DPYD: variants seen among roughly 807,000 people sequenced by gnomAD.
DPYD encodes dihydropyrimidine dehydrogenase.
A neutral mutation model predicts 116.2 loss-of-function variants in DPYD; 109 were observed. The observed-to-expected ratio is 0.94, with a 90% CI of 0.80 to 1.10. The LOEUF (loss-of-function observed/expected upper bound fraction) is 1.10. Among genes scored for constraint, DPYD ranks in the 50% least tolerant of loss-of-function variants. DPYD has a pLI of 0.00. For synonymous variants in DPYD, 440 were observed against 432.0 expected, an observed-to-expected ratio of 1.02 and a Z score of -0.23; for missense variants, 1,302 against 1,254.5, an observed-to-expected ratio of 1.04 and a Z score of -0.57.
intron 12 of DPYD, among the ~76,000 whole-genome samples, 197 bp downstream of exon 12, chr1:97,549,363 T>C (rs529056181): frequency 6.6e-6 from 1 of 152,180 alleles, no homozygotes; most frequent in South Asian, 2.1e-4. Flanking sequence ...CATGCCCGCC[T>C]GGCCCAATTT....
At position 97,778,170 on chromosome 1, in the gene DPYD, A is replaced by AAAAAG. The variant is rs1215956193; in HGVS notation, c.234-37692_234-37691insCTTTT. On this transcript the variant is annotated intron_variant, in intron 3 of 22. Coordinates refer to ENST00000370192, the MANE Select transcript of DPYD (RefSeq NM_000110.4). ...AAGACCCTGTCAAAAAAAAAAAAAA[A>AAAAAG]AAAGAAAGAAAGAAAGAAAGAGAGA... Among the ~76,000 whole-genome samples, 521 of 88,536 alleles carry AAAAAG rather than the reference A, an allele frequency of 5.9e-3. 15 individuals carry two copies. The highest frequency in any genetic ancestry group is 8.3e-3 in the Non-Finnish European group (394 of 47,228). 58.1% of individuals were successfully genotyped at this position (88,536 alleles called of 152,430 possible).
chr1:97,895,511 T>C (rs994871820), intron 1 of DPYD, among the ~76,000 whole-genome samples: 12 of 151,810 alleles, frequency 7.9e-5, no homozygotes, highest in African/African-American at 2.7e-4. Flanking sequence ...TTCATCTATA[T>C]GGTTAACAGC....
chr1:97,662,640 A>AAACAAAAACAAAAAAGAGTGCT (rs1659332740), intron 8 of DPYD, among the ~76,000 whole-genome samples: 3 of 152,078 alleles, frequency 2.0e-5, no homozygotes, highest in Non-Finnish European at 2.9e-5. Context: ...CTCAAAACAA[A>AAACAAAAACAAAAAAGAGTGCT]AACAAAAACA....
intron 18 of DPYD, among the ~76,000 whole-genome samples, chr1:97,268,126 C>A (rs2100879089): frequency 6.6e-6 from 1 of 152,282 alleles, no homozygotes; most frequent in Non-Finnish European, 1.5e-5. Context: ...AATTTTAAAG[C>A]TAGAGAATAA....
At chr1:97,646,484 T>C (rs1375799379) in intron 8 of DPYD, among the ~76,000 whole-genome samples, 1 of 152,094 alleles carries the variant, frequency 6.6e-6, no homozygotes, top group African/African-American at 2.4e-5. Context: ...ATTTCCTATT[T>C]TTTCTTATTT....
chr1:97,482,709 T>A (rs1263579401), intron 13 of DPYD, among the ~76,000 whole-genome samples: 1 of 152,188 alleles, frequency 6.6e-6, no homozygotes, highest in Non-Finnish European at 1.5e-5. Flanking sequence ...GTGTTGATTG[T>A]GGATACTGAG....
At chr1:97,808,101 C>G (rs922994955) in intron 3 of DPYD, among the ~76,000 whole-genome samples, 14 of 151,976 alleles carry the variant, frequency 9.2e-5, no homozygotes, top group African/African-American at 3.4e-4. Flanking sequence ...TCTGAGTCTT[C>G]TGCTTTTCTA....
intron 4 of DPYD, among the ~76,000 whole-genome samples, chr1:97,736,093 A>G (rs1263122704): frequency 6.6e-6 from 1 of 152,128 alleles, no homozygotes; most frequent in Non-Finnish European, 1.5e-5. Flanking sequence ...AAGAAAAATA[A>G]GTAGGACAAA....
chr1:97,838,460 A>C (rs912020057), intron 2 of DPYD, among the ~76,000 whole-genome samples: 13 of 152,256 alleles, frequency 8.5e-5, no homozygotes, highest in Non-Finnish European at 1.6e-4. Context: ...CATCAACTGT[A>C]ATCAACAGAG....
intron 14 of DPYD, among the ~76,000 whole-genome samples, chr1:97,415,770 T>C (rs1012015553): frequency 3.3e-5 from 5 of 152,218 alleles, no homozygotes; most frequent in African/African-American, 4.8e-5. Context: ...GTGATAAAGA[T>C]TGTGGTACAC....
chr1:97,789,086 GT>G (rs1197473841), intron 3 of DPYD, among the ~76,000 whole-genome samples: 1 of 152,100 alleles, frequency 6.6e-6, no homozygotes, highest in African/African-American at 2.4e-5. Flanking sequence ...GGAACAAGCT[GT>G]TTAATGCAAA....
At chr1:97,333,553 C>T (rs1669136286) in intron 16 of DPYD, among the ~76,000 whole-genome samples, 1 of 127,542 alleles carries the variant, frequency 7.8e-6, no homozygotes, top group South Asian at 2.6e-4. Context: ...TGGAGTCTCA[C>T]ACTGTCGTAC....
intron 13 of DPYD, among the ~76,000 whole-genome samples, chr1:97,455,786 C>A (rs6593648): frequency 0.81 from 123,351 of 151,732 alleles, 50,606 homozygotes; most frequent in Middle Eastern, 0.88. Flanking sequence ...GGTCAGAATA[C>A]TCTCTACTTG....
chr1:97,086,444 G>T (rs895480724), intron 21 of DPYD, among the ~76,000 whole-genome samples: 1 of 151,326 alleles, frequency 6.6e-6, no homozygotes, highest in Non-Finnish European at 1.5e-5. Context: ...CCCTGATTCC[G>T]TCCCTGATGT....
intron 11 of DPYD, among the ~76,000 whole-genome samples, chr1:97,563,766 G>C (rs1039459230): frequency 1.8e-4 from 28 of 152,230 alleles, no homozygotes; most frequent in African/African-American, 6.7e-4. Context: ...ATGTGGTGTT[G>C]ATTCCCAATC....
intron 19 of DPYD, among the ~76,000 whole-genome samples, chr1:97,212,078 T>C (rs1197595388): frequency 2.0e-5 from 3 of 152,006 alleles, no homozygotes. Flanking sequence ...TGGTATAATT[T>C]ACATAGCATA....
At position 97,573,850 on chromosome 1, in the gene DPYD, CA is replaced by C. The variant is rs1240838072; in HGVS notation, c.1248del (p.Gly417GlufsTer13). The C allele has an allele frequency of 6.2e-7, 1 of 1,613,728 alleles. No individual in the cohort carries two copies. ...MQFVRTEQDE[T>X]GKWNEDEDQM... ...TGATCTTCATCTTCATTCCATTTTC[CA>C]GTTTCATCTTGCTCTGTCCGAACAA... is the stretch of plus-strand genomic sequence containing the variant. On this transcript the variant is annotated frameshift_variant, in exon 11 of 23. Coordinates refer to ENST00000370192, the MANE Select transcript of DPYD (RefSeq NM_000110.4). LOFTEE classifies it high-confidence loss of function.
chr1:97,611,078 A>C (rs1465268817), intron 8 of DPYD, among the ~76,000 whole-genome samples: 1 of 152,030 alleles, frequency 6.6e-6, no homozygotes, highest in Non-Finnish European at 1.5e-5. Context: ...AAAGACATAC[A>C]GGAGACAGGG....
At chr1:97,900,833 C>T (rs1673331913) in intron 1 of DPYD, among the ~76,000 whole-genome samples, 1 of 151,750 alleles carries the variant, frequency 6.6e-6, no homozygotes, top group South Asian at 2.1e-4. Context: ...TCCCTCCTAT[C>T]AAGCCGCAGT....
Sources: gnomAD v4.1 joint callset for allele counts (sites outside exome capture counted in the v4.1 genomes callset) on GRCh38, gnomAD v4.1.1 for gene constraint, MANE v1.5 for transcripts, NCBI Gene and HGNC (gene_info 2026-07-23, HGNC 2026-07-21) for gene names.